Variants in SLC4A3 observed in about 807,000 individuals in gnomAD.
SLC4A3 encodes solute carrier family 4 member 3, also known as anion exchange protein 3.
In SLC4A3, 47 loss-of-function variants were observed where a neutral mutation model predicts 114.2. The ratio of observed to expected loss-of-function variants is 0.41; its 90% confidence interval spans 0.33 to 0.52. SLC4A3 has a LOEUF of 0.52. SLC4A3 is among the 20% of genes least tolerant of loss of function. The probability of loss-of-function intolerance (pLI) is 0.21; values close to 1 mark genes in which losing one functional copy is unlikely to be tolerated. For missense variants in SLC4A3, 1,312 were observed against 1,668.3 expected, an observed-to-expected ratio of 0.79 and a Z score of 3.72; for synonymous variants, 693 against 710.3, an observed-to-expected ratio of 0.98 and a Z score of 0.39.
chr2:219,633,336 A>T lies in SLC4A3; in HGVS notation c.1340A>T (p.Asn447Ile), dbSNP rs752178824. Reference sequence around the variant, plus strand: ...CGAAACCCATCGAGCTCCAGCATGAACTCGGTTCTGGGGAATCATCACCCA... The same window carrying T: ...CGAAACCCATCGAGCTCCAGCATGATCTCGGTTCTGGGGAATCATCACCCA... The part of the protein sequence containing the change: ...FPRNPSSSSM[N>I]SVLGNHHPTP... The change falls in exon 10 of 23, where the codon AAC becomes ATC. Residue 447 changes from asparagine (N) to isoleucine (I), a missense_variant. Asn to Ile is a moderately radical substitution (Grantham distance 149). Transcript: ENST00000358055. The T allele has an allele frequency of 1.9e-6, 3 of 1,605,180 alleles. No homozygotes were observed. The highest frequency in any genetic ancestry group is 2.6e-6 in the Non-Finnish European group (3 of 1,174,178).
Position 219,636,298 on chromosome 2 carries a change from G to T in SLC4A3, c.2192-4G>T. The T allele has an allele frequency of 6.2e-7, 1 of 1,613,466 alleles. No individual in the cohort carries two copies. The highest frequency in any genetic ancestry group is 8.5e-7 in the Non-Finnish European group (1 of 1,179,924). Reference sequence around the variant, plus strand: ...CTAGGGCCATCCTACCCGTGCTATGGCAGGAGAGAAGACCGAGGGGCTGAT... The same window carrying T: ...CTAGGGCCATCCTACCCGTGCTATGTCAGGAGAGAAGACCGAGGGGCTGAT... On this transcript the variant is annotated splice_region_variant and splice_polypyrimidine_tract_variant and intron_variant, in intron 14 of 22. Transcript: ENST00000358055. The surrounding 1 kb of genome is among the most constrained non-coding windows in gnomAD (Gnocchi z 5.5).
In SLC4A3 at chr2:219,633,304, C is replaced by A; in HGVS notation, c.1308C>A (p.Phe436Leu). 6.3e-7 allele frequency: 1 copy of A among 1,584,062 alleles called. No individual in the cohort carries two copies. The highest frequency in any genetic ancestry group is 8.6e-7 in the Non-Finnish European group (1 of 1,163,872). ...SHPNDDKDSG[F>L]FPRNPSSSSM... Reference sequence around the variant, plus strand: ...CCAACGATGACAAGGACAGTGGCTTCTTTCCCCGAAACCCATCGAGCTCCA... The same window carrying A: ...CCAACGATGACAAGGACAGTGGCTTATTTCCCCGAAACCCATCGAGCTCCA... Residue 436 changes from phenylalanine to leucine, a missense_variant, in exon 10 of 23, where the codon TTC becomes TTA. Around this residue, in one of 4 missense-constraint regions of SLC4A3, gnomAD observed 771 missense variants for 977.7 expected, o/e 0.79. Transcript: ENST00000358055.
Position 219,630,553 on chromosome 2 carries a change from T to C in SLC4A3, c.811+201T>C, listed in dbSNP as rs940834209. Among the ~76,000 whole-genome samples, 1 of 152,178 alleles carries C rather than the reference T, an allele frequency of 6.6e-6. No homozygotes were observed. Among genetic ancestry groups the C allele is most frequent in the South Asian group, 2.1e-4 (1 of 4,816 alleles). ...TGACGGCCAGAGCTGAGATTTCCTT[T>C]CCTGACACCTCACGCCTCAGTCCTG... is the stretch of plus-strand genomic sequence containing the variant. On this transcript the variant is annotated intron_variant, in intron 6 of 22. Transcript: ENST00000358055. This position sits in a 1 kb window ranked among gnomAD's most constrained non-coding sequence, Gnocchi z 6.9.
chr2:219,633,580 C>A, intron 10 of SLC4A3, 123 bp downstream of exon 10: 2 of 964,476 alleles, frequency 2.1e-6, no homozygotes, highest in Non-Finnish European at 1.5e-6. Context: ...GCTGGGCATT[C>A]GGGGACCTAG....
Position 219,634,528 on chromosome 2 carries a change from T to C in SLC4A3, c.1670T>C (p.Val557Ala). ...CCTGTCCCGGTCCGCTTCCTCTTCGTGATGCTGGGGCCCAGCCACACCAGC... is the reference window on the plus strand; with the variant it reads ...CCTGTCCCGGTCCGCTTCCTCTTCGCGATGCTGGGGCCCAGCCACACCAGC... ...EVPVPVRFLF[V>A]MLGPSHTSTD... is the part of the protein sequence containing the mutation. The change falls in exon 12 of 23, where the codon GTG becomes GCG. Residue 557 changes from valine (V) to alanine (A), a missense_variant. By Grantham distance (64) the Val-to-Ala change is moderately conservative. Transcript: ENST00000358055. 6.2e-7 allele frequency: 1 copy of C among 1,614,206 alleles called. No homozygotes were observed. Among genetic ancestry groups the C allele is most frequent in the Non-Finnish European group, 8.5e-7 (1 of 1,180,046 alleles).
intron 9 of SLC4A3, 122 bp downstream of exon 9, chr2:219,633,131 A>G: frequency 1.4e-6 from 2 of 1,402,114 alleles, no homozygotes; most frequent in Admixed American, 2.1e-5. Context: ...GCTCATTTCT[A>G]TCTTTTGACA....
rs1191413142 is a variant in SLC4A3, at chr2:219,632,979, G to C, written c.1247G>C (p.Ser416Thr). 6.2e-7 allele frequency: 1 copy of C among 1,614,092 alleles called. No individual in the cohort carries two copies. Among genetic ancestry groups the C allele is most frequent in the Non-Finnish European group, 8.5e-7 (1 of 1,180,020 alleles). ...CAGATCCGGCCGGAGGACAGGGCCA[G>C]CGTCCTACGTACCCTGCTACTGAAG... Reference protein sequence around the residue: ...SDQIRPEDRASVLRTLLLKHS... With the variant: ...SDQIRPEDRATVLRTLLLKHS... Residue 416 changes from serine (S) to threonine (T), a missense_variant, in exon 9 of 23, where the codon AGC (serine) becomes ACC (threonine). Physicochemically the swap from Ser to Thr is moderately conservative, Grantham distance 58 (BLOSUM62 1). This residue lies in a region of SLC4A3 where 771 missense variants were observed against 977.7 expected (regional missense o/e 0.79). Coordinates refer to ENST00000358055, the MANE Select transcript of SLC4A3 (RefSeq NM_005070.4).
rs1017120699 is a variant in SLC4A3, at chr2:219,639,698, G to A, written c.3240G>A (p.Glu1080=). 6.2e-7 allele frequency: 1 copy of A among 1,611,124 alleles called. No homozygotes were observed. The highest frequency in any genetic ancestry group is 1.3e-5 in the African/African-American group (1 of 74,912). The change falls in exon 20 of 23, where the codon GAG becomes GAA. Residue 1080 remains glutamate (E), a synonymous_variant. Transcript: ENST00000358055. This position sits in a 1 kb window ranked among gnomAD's most constrained non-coding sequence, Gnocchi z 5.9. ...GDKPQIQEVR[E]QRVTGVLIAS... ...AGCCCCAGATCCAGGAGGTGCGGGA[G>A]CAGCGGGTCACTGGTGTGCTCATCG... is the stretch of plus-strand genomic sequence containing the variant.
In SLC4A3 at chr2:219,628,263, G is replaced by A; in HGVS notation, c.52-142G>A. The stretch of plus-strand genomic sequence containing the variant: ...GCCCAGAGAGGGTGGTTTCTGGGAT[G>A]CTGACACAGGCCTGGGAGCAAGGGG... On this transcript the variant is annotated intron_variant, in intron 2 of 22. Transcript: ENST00000358055. The surrounding 1 kb of genome is among the most constrained non-coding windows in gnomAD (Gnocchi z 4.8). 1 of 947,512 alleles carries A rather than the reference G, an allele frequency of 1.1e-6. No homozygotes were observed. 58.7% of individuals were successfully genotyped at this position (947,512 alleles called of 1,614,324 possible). A position where few individuals can be genotyped will look rare whatever the true frequency, so the allele number is the denominator to read the frequency against.
At chr2:219,627,854 T>A in intron 1 of SLC4A3, 46 bp from the exon 2 acceptor site, 1 of 641,954 alleles carries the variant, frequency 1.6e-6, no homozygotes, top group Non-Finnish European at 2.6e-6. Context: ...GGCTCCCGGG[T>A]GGGGGGCGCC....
In SLC4A3 at chr2:219,640,837, A is replaced by G. The variant is rs1699303713; in HGVS notation, c.3496A>G (p.Ile1166Val). The change falls in exon 22 of 23, where the codon ATC becomes GTC. Residue 1166 changes from isoleucine to valine, a missense_variant. Physicochemically the swap from Ile to Val is conservative, Grantham distance 29. Coordinates refer to ENST00000358055, the MANE Select transcript of SLC4A3 (RefSeq NM_005070.4). ...GTTCACCTGCATCCAGCTGGGCTGC[A>G]TCGCACTGCTCTGGGTGGTCAAGTC... is the stretch of plus-strand genomic sequence containing the variant. ...HLFTCIQLGC[I>V]ALLWVVKSTA... The G allele has an allele frequency of 4.3e-6, 7 of 1,612,352 alleles. No individual in the cohort carries two copies. Among genetic ancestry groups the G allele is most frequent in the Non-Finnish European group, 5.1e-6 (6 of 1,179,920 alleles).
rs1454525024 is a variant in SLC4A3, at chr2:219,630,670, C to G, written c.811+318C>G. 1.3e-5 allele frequency among the ~76,000 whole-genome samples: 2 copies of G among 152,202 alleles called. No homozygotes were observed. Among genetic ancestry groups the G allele is most frequent in the East Asian group, 3.9e-4 (2 of 5,192 alleles). On this transcript the variant is annotated intron_variant, in intron 6 of 22. Transcript: ENST00000358055. This position sits in a 1 kb window ranked among gnomAD's most constrained non-coding sequence, Gnocchi z 6.9. The stretch of plus-strand genomic sequence containing the variant: ...AAGGCCCCTCTTCTCGGGGTGAACT[C>G]TCTGTCTCCTCTTTGATCCCCTCCA...
Position 219,630,357 on chromosome 2 carries a change from G to A in SLC4A3, c.811+5G>A. Reference sequence around the variant, plus strand: ...CAGACCTGGACGACATGAAGAGTGAGTGAGACCTTGTGGCAGCCCCCATGG... The same window carrying A: ...CAGACCTGGACGACATGAAGAGTGAATGAGACCTTGTGGCAGCCCCCATGG... On this transcript the variant is annotated splice_donor_5th_base_variant and intron_variant, in intron 6 of 22. Coordinates refer to ENST00000358055, the MANE Select transcript of SLC4A3 (RefSeq NM_005070.4). The surrounding 1 kb of genome is among the most constrained non-coding windows in gnomAD (Gnocchi z 6.9). 6.3e-7 allele frequency: 1 copy of A among 1,589,882 alleles called. No individual in the cohort carries two copies. Among genetic ancestry groups the A allele is most frequent in the Non-Finnish European group, 8.6e-7 (1 of 1,168,130 alleles).
In SLC4A3 at chr2:219,634,427, G is replaced by A. The variant is rs1249360204; in HGVS notation, c.1569G>A (p.Val523=). 3.1e-6 allele frequency: 5 copies of A among 1,614,002 alleles called. No homozygotes were observed. The highest frequency in any genetic ancestry group is 4.2e-6 in the Non-Finnish European group (5 of 1,180,018). The change falls in exon 12 of 23, where the codon GTG becomes GTA. Residue 523 remains valine, a synonymous_variant. Transcript: ENST00000358055. ...AEATVVLVGC[V]PFLEQPAAAF... ...GCTTTCCTCTTCCCCTAGGTTGTGTGCCTTTCTTGGAGCAGCCTGCAGCAG... is the reference window on the plus strand; with the variant it reads ...GCTTTCCTCTTCCCCTAGGTTGTGTACCTTTCTTGGAGCAGCCTGCAGCAG...
intron 20 of SLC4A3, 132 bp from the exon 21 acceptor site, chr2:219,640,298 G>A (rs1322626046): frequency 7.9e-6 from 7 of 882,876 alleles, no homozygotes; most frequent in Admixed American, 2.8e-5. Flanking sequence ...GGTCCATGTC[G>A]CCTCCCCCCA....
intron 10 of SLC4A3, 173 bp from the exon 11 acceptor site, chr2:219,633,707 C>G (rs570851666): frequency 9.6e-7 from 1 of 1,038,644 alleles, no homozygotes; most frequent in Non-Finnish European, 1.4e-6. Flanking sequence ...TTGGGGACAT[C>G]GAGGCAGGGT....
chr2:219,641,071 G>GCAACACA lies in SLC4A3; in HGVS notation c.3621+109_3621+110insCAACACA. On this transcript the variant is annotated intron_variant, in intron 22 of 22. Coordinates refer to ENST00000358055, the MANE Select transcript of SLC4A3 (RefSeq NM_005070.4). This position sits in a 1 kb window ranked among gnomAD's most constrained non-coding sequence, Gnocchi z 4.0. ...GTTAGTTGTGAAACTTGTGTAACTT[G>GCAACACA]TGTTGCAAGTTATCTCACCTTCCGA... 1.9e-6 allele frequency: 2 copies of GCAACACA among 1,057,688 alleles called. No individual in the cohort carries two copies. The highest frequency in any genetic ancestry group is 2.7e-6 in the Non-Finnish European group (2 of 729,806). The allele number at this position is 1,057,688 out of a possible 1,614,324, so 65.5% of individuals were successfully genotyped here.
chr2:219,636,694 GGACCTGGAGTACCTCACT>G lies in SLC4A3; in HGVS notation c.2357_2374del (p.Asp786_Thr791del), dbSNP rs1407468682. 6.2e-7 allele frequency: 1 copy of G among 1,613,814 alleles called. No individual in the cohort carries two copies. Among genetic ancestry groups the G allele is most frequent in the South Asian group, 1.1e-5 (1 of 91,064 alleles). ...CCCCCACCTAGTTCTGCCGAGCCCAGGACCTGGAGTACCTCACTGGCCGGGTGTGGGTTGGTCTCTGGC... is the reference window on the plus strand; with the variant it reads ...CCCCCACCTAGTTCTGCCGAGCCCAGGGCCGGGTGTGGGTTGGTCTCTGGC... On this transcript the variant is annotated inframe_deletion, in exon 16 of 23. Transcript: ENST00000358055. The surrounding 1 kb of genome is among the most constrained non-coding windows in gnomAD (Gnocchi z 5.5).
Position 219,631,769 on chromosome 2 carries a change from T to A in SLC4A3, c.812-199T>A, listed in dbSNP as rs754060064. 2.0e-5 allele frequency among the ~76,000 whole-genome samples: 3 copies of A among 151,866 alleles called. No individual in the cohort carries two copies. Among genetic ancestry groups the A allele is most frequent in the Admixed American group, 6.6e-5 (1 of 15,252 alleles). On this transcript the variant is annotated intron_variant, in intron 6 of 22. Transcript: ENST00000358055. The surrounding 1 kb of genome is among the most constrained non-coding windows in gnomAD (Gnocchi z 6.3). ...CTTGGCCGGTGGTCCCAGGTGACCATGGGGAGGTCCTTCCCTCTTTCTGAG... is the reference window on the plus strand; with the variant it reads ...CTTGGCCGGTGGTCCCAGGTGACCAAGGGGAGGTCCTTCCCTCTTTCTGAG...
Sources: gnomAD v4.1 joint callset for allele counts (sites outside exome capture counted in the v4.1 genomes callset) on GRCh38, gnomAD v4.1.1 for gene constraint, gnomAD v4.1.1 regional missense constraint, Gnocchi (gnomAD v3.1) non-coding constraint, MANE v1.5 for transcripts, NCBI Gene and HGNC (gene_info 2026-07-23, HGNC 2026-07-21) for gene names.